The following PCBP3 variants were observed in gnomAD, a reference collection of about 807,000 sequenced individuals.
PCBP3 encodes the protein poly(rC) binding protein 3.
PCBP3 carries 25 observed loss-of-function variants against 52.7 expected under a neutral mutation model. The ratio of observed to expected loss-of-function variants is 0.47; its 90% CI spans 0.35 to 0.66. The LOEUF (loss-of-function observed/expected upper bound fraction) is 0.66. Ranked by LOEUF, PCBP3 falls within the 30% of genes least tolerant of loss-of-function variation. The probability of loss-of-function intolerance (pLI) is 0.01; values close to 1 mark genes in which losing one functional copy is unlikely to be tolerated. For synonymous variants in PCBP3, 162 were observed against 183.0 expected (o/e 0.89, Z 0.93); for missense variants, 391 against 490.3 (o/e 0.80, Z 1.91).
chr21:45,802,678 CCTT>C lies in PCBP3; in HGVS notation c.-126+47228_-126+47230del, dbSNP rs1405381345. 6.6e-6 allele frequency among the ~76,000 whole-genome samples: 1 copy of C among 152,088 alleles called. No homozygotes were observed. On this transcript the variant is annotated intron_variant, in intron 4 of 17. Coordinates refer to ENST00000681687, the MANE Select transcript of PCBP3 (RefSeq NM_001384156.1). The surrounding 1 kb of genome is among the most constrained non-coding windows in gnomAD (Gnocchi z 5.1). ...GATTGTGTGTTTGGGATGTTCCTCTCCTTCATGGGGAGGAGAGGCCCTGAGGGA... is the reference window on the plus strand; with the variant it reads ...GATTGTGTGTTTGGGATGTTCCTCTCCATGGGGAGGAGAGGCCCTGAGGGA...
intron 3 of PCBP3, chr21:45,744,169 T>C (rs1446244814): frequency 6.6e-6 from 1 of 151,804 alleles, no homozygotes; most frequent in East Asian, 1.9e-4. Flanking sequence ...GTTGTGCTCG[T>C]CATTTTTCAG....
rs185665252 is a variant in PCBP3 at position 45,890,233 on chromosome 21, G to A, written c.11-5975G>A. Among the ~76,000 whole-genome samples, 41 of 152,376 alleles carry A rather than the reference G, an allele frequency of 2.7e-4. 1 individual carries two copies. In the East Asian group the frequency reaches 5.4e-3, roughly 20 times the overall value. ...TGCAACTAGACAACACTGCACGCCC[G>A]CTGGGCAGCACAGAAAAGGCTGAAC... On this transcript the variant is annotated intron_variant, in intron 5 of 17. Coordinates refer to ENST00000681687, the MANE Select transcript of PCBP3 (RefSeq NM_001384156.1).
intron 4 of PCBP3, chr21:45,763,814 CCTCT>C (rs1489048569): frequency 3.9e-5 from 6 of 152,488 alleles, no homozygotes; most frequent in Non-Finnish European, 7.3e-5. Context: ...AGGCCCCCTT[CCTCT>C]CTCTCCCCGG....
intron 5 of PCBP3, 98 bp downstream of exon 5, chr21:45,850,193 A>T: frequency 1.0e-6 from 1 of 972,678 alleles, no homozygotes; most frequent in Non-Finnish European, 1.6e-6. Context: ...GTTTGAAGTG[A>T]CACAGTGCTG....
chr21:45,900,902 T>C (rs2096017039), intron 8 of PCBP3, 95 bp from the exon 9 acceptor site: 1 of 824,102 alleles, frequency 1.2e-6, no homozygotes, highest in Non-Finnish European at 2.1e-6. Context: ...GACAGAGGCA[T>C]GTGTTTGTGT....
At chr21:45,851,798 G>A (rs911599229) in intron 5 of PCBP3, among the ~76,000 whole-genome samples, 59 of 152,180 alleles carry the variant, frequency 3.9e-4, no homozygotes, top group Admixed American at 2.4e-3. Flanking sequence ...ACTTGGATAA[G>A]CCAATAATAC....
At chr21:45,749,608 G>A (rs533175301) in intron 3 of PCBP3, 2 of 152,322 alleles carry the variant, frequency 1.3e-5, no homozygotes, top group East Asian at 1.9e-4. Context: ...TTTAGTATGA[G>A]CTACTTGGTT....
At position 45,778,848 on chromosome 21, in the gene PCBP3, GC is replaced by G. The variant is rs140132402; in HGVS notation, c.-126+23400del. On this transcript the variant is annotated intron_variant, in intron 4 of 17. Coordinates refer to ENST00000681687, the MANE Select transcript of PCBP3 (RefSeq NM_001384156.1). ...TTGGCAGGGGTGGGTCGATCCTCAG[GC>G]CCCAGGTGGAGTGCTGGGTGAAGAG... Among the ~76,000 whole-genome samples, 480 of 152,264 alleles carry G rather than the reference GC, an allele frequency of 3.2e-3. 1 individual carries two copies. The highest frequency in any genetic ancestry group is 0.011 in the African/African-American group (461 of 41,540).
chr21:45,899,540 A>C lies in PCBP3; in HGVS notation c.166-59A>C, dbSNP rs2095966524. On this transcript the variant is annotated intron_variant, in intron 6 of 17. Coordinates refer to ENST00000681687, the MANE Select transcript of PCBP3 (RefSeq NM_001384156.1). ...GCAGGTTTCGGTAGTGTCTGCCTCCAGTGTTTTCCTCCTCCTGCTCTATGA... is the reference window on the plus strand; with the variant it reads ...GCAGGTTTCGGTAGTGTCTGCCTCCCGTGTTTTCCTCCTCCTGCTCTATGA... 5 of 1,395,374 alleles carry C rather than the reference A, an allele frequency of 3.6e-6. No homozygotes were observed. In the Admixed American group the frequency reaches 6.8e-5, roughly 19 times the overall value. 86.4% of individuals were successfully genotyped at this position (1,395,374 alleles called of 1,614,324 possible). A position where few individuals can be genotyped will look rare whatever the true frequency, so the allele number is the denominator to read the frequency against.
rs1281927613 is a variant in PCBP3 at position 45,901,465 on chromosome 21, A to ACCTCCAG, written c.339+362_339+368dup. ...TGGCTGACCCTTGGGCCACACCAGC[A>ACCTCCAG]CCTCCAGCCTCCAGCCAGCTCTGCC... On this transcript the variant is annotated intron_variant, in intron 9 of 17. Coordinates refer to ENST00000681687, the MANE Select transcript of PCBP3 (RefSeq NM_001384156.1). 1.5e-5 allele frequency: 4 copies of ACCTCCAG among 260,198 alleles called. No individual in the cohort carries two copies. In the East Asian group the frequency reaches 3.6e-4, roughly 23 times the overall value. The allele number at this position is 260,198 out of a possible 1,614,324, so 16.1% of individuals were successfully genotyped here. A position where few individuals can be genotyped will look rare whatever the true frequency, so the allele number is the denominator to read the frequency against.
intron 4 of PCBP3, among the ~76,000 whole-genome samples, chr21:45,784,419 C>CCGCTAT: frequency 7.6e-6 from 1 of 131,542 alleles, no homozygotes; most frequent in African/African-American, 3.2e-5. Context: ...GCTACCGCTA[C>CCGCTAT]CCCTACCTCC....
rs2077519616 is a variant in PCBP3 at position 45,942,260 on chromosome 21, G to A, written c.*554G>A. 6.6e-6 allele frequency: 1 copy of A among 152,312 alleles called. No homozygotes were observed. The highest frequency in any genetic ancestry group is 1.5e-5 in the Non-Finnish European group (1 of 68,104). 9.4% of individuals were successfully genotyped at this position (152,312 alleles called of 1,614,324 possible). A position where few individuals can be genotyped will look rare whatever the true frequency, so the allele number is the denominator to read the frequency against. On this transcript the variant is annotated 3_prime_UTR_variant, in exon 18 of 18. Transcript: ENST00000681687. ...GCGCCAGGAGAGGAGGGTCATGGAG[G>A]ATGTTGGGGCTCTGACCCCAGGAGT...
intron 3 of PCBP3, chr21:45,750,398 C>G (rs77362669): frequency 1.3e-4 from 2 of 15,218 alleles, no homozygotes; most frequent in East Asian, 1.2e-3. Flanking sequence ...GGAGCAGACC[C>G]CCCCCCCCCC....
chr21:45,782,563 A>G (rs1163994745), intron 4 of PCBP3, among the ~76,000 whole-genome samples: 4 of 152,246 alleles, frequency 2.6e-5, no homozygotes, highest in Admixed American at 2.0e-4. Flanking sequence ...GATGGAGTCA[A>G]TGGTCAAATG....
At chr21:45,810,218 C>CTGTG (rs149677854) in intron 4 of PCBP3, among the ~76,000 whole-genome samples, 17,431 of 147,982 alleles carry the variant, frequency 0.12, 1,049 homozygotes, top group African/African-American at 0.15. Context: ...TGATTCGATT[C>CTGTG]TGTGTGTGTG....
At chr21:45,808,347 A>G (rs1048064610) in intron 4 of PCBP3, among the ~76,000 whole-genome samples, 1 of 152,248 alleles carries the variant, frequency 6.6e-6, no homozygotes, top group African/African-American at 2.4e-5. Flanking sequence ...CAAGTTTACA[A>G]GAAAAAAACA....
intron 1 of PCBP3, among the ~76,000 whole-genome samples, chr21:45,646,801 G>A (rs2079342108): frequency 1.3e-5 from 2 of 152,266 alleles, no homozygotes; most frequent in South Asian, 4.1e-4. Context: ...TATCTATGTA[G>A]GGGCAACTTG....
At chr21:45,909,531 G>A (rs1178303654) in intron 10 of PCBP3, 45 bp downstream of exon 10, 10 of 1,594,536 alleles carry the variant, frequency 6.3e-6, no homozygotes, top group Middle Eastern at 1.7e-4. Context: ...GCCTCTAGGC[G>A]GGCTGCGGGT....
At chr21:45,812,439 T>C (rs928027407) in intron 4 of PCBP3, among the ~76,000 whole-genome samples, 7 of 152,368 alleles carry the variant, frequency 4.6e-5, no homozygotes, top group Admixed American at 3.9e-4. Flanking sequence ...GGAGTCTTGC[T>C]CTGTTGTGCA....
Sources: allele counts gnomAD v4.1 joint callset (sites outside exome capture counted in the v4.1 genomes callset), GRCh38; gene constraint gnomAD v4.1.1; non-coding constraint Gnocchi (gnomAD v3.1); transcripts MANE v1.5; gene names NCBI Gene and HGNC (gene_info 2026-07-23, HGNC 2026-07-21).